The following DHRS12 variants were observed in gnomAD, a reference collection of about 807,000 sequenced individuals.
DHRS12 encodes dehydrogenase/reductase SDR family member 12.
A neutral mutation model predicts 32.1 loss-of-function variants in DHRS12; 29 were observed. The ratio of observed to expected loss-of-function variants is 0.90; its 90% CI spans 0.67 to 1.23. The LOEUF is 1.23. Ranked by LOEUF, DHRS12 falls within the 50% of genes most tolerant of loss-of-function variation. DHRS12 has a pLI of 0.00. For missense variants in DHRS12, 330 were observed against 337.2 expected (o/e 0.98, Z 0.17); for synonymous variants, 150 against 135.9 (o/e 1.10, Z -0.72).
intron 4 of DHRS12, among the ~76,000 whole-genome samples, chr13:51,784,959 G>A (rs1322085738): frequency 6.6e-6 from 1 of 152,242 alleles, no homozygotes; most frequent in Non-Finnish European, 1.5e-5. Context: ...CAGGCGCAGT[G>A]GCTCATGCCT....
intron 7 of DHRS12, 103 bp from the exon 8 acceptor site, chr13:51,769,396 AT>A: frequency 1.0e-6 from 1 of 957,748 alleles, no homozygotes; most frequent in Non-Finnish European, 1.5e-6. Flanking sequence ...ATGAAATGGG[AT>A]CATAAACTGC....
Position 51,769,261 on chromosome 13 carries a change from T to C in DHRS12, c.592A>G (p.Arg198Gly), listed in dbSNP as rs775395149. 8.8e-6 allele frequency: 14 copies of C among 1,587,804 alleles called. No individual in the cohort carries two copies. In the South Asian group the frequency reaches 1.1e-4, roughly 13 times the overall value. Residue 198 changes from arginine (R) to glycine (G), a missense_variant, in exon 8 of 9, where the codon AGG becomes GGG. Transcript: ENST00000444610. ...TCGGAGCGCAGGCGGTCCCCGAACC[T>C]GGCGTGGAACCCCGGCATCGCCTGC... ...VRQAMPGFHARFGDRLRSEAQ... is the reference protein window; with the variant it reads ...VRQAMPGFHAGFGDRLRSEAQ...
downstream of DHRS12, chr13:51,766,409 C>T (rs1031966249): frequency 1.3e-5 from 2 of 152,188 alleles, no homozygotes; most frequent in African/African-American, 4.8e-5. Flanking sequence ...GGGCATATTA[C>T]CGTATGGATA....
In DHRS12 at chr13:51,768,265, G is replaced by T. The variant is rs760335292; in HGVS notation, c.729C>A (p.Leu243=). The T allele has an allele frequency of 3.3e-6, 5 of 1,535,976 alleles. No homozygotes were observed. The Admixed American group carries it at 5.9e-5, about 18-fold the overall frequency. ...DRKPVSTHLP[L]ATASSSPAEE... ...CGGCCGGTGAGGAGGACGCTGTAGC[G>T]AGAGGCAAGTGTGTAGAAACTGGCT... Residue 243 remains leucine, a synonymous_variant, in exon 9 of 9, where the codon CTC becomes CTA. Coordinates refer to ENST00000444610, the MANE Select transcript of DHRS12 (RefSeq NM_001377533.1).
At chr13:51,790,664 C>T (rs1222808198) in intron 3 of DHRS12, among the ~76,000 whole-genome samples, 1 of 152,176 alleles carries the variant, frequency 6.6e-6, no homozygotes, top group East Asian at 1.9e-4. Context: ...CGTTTCAGAG[C>T]ACATCAGAAA....
At position 51,774,020 on chromosome 13, in the gene DHRS12, T is replaced by C; in HGVS notation, c.378A>G (p.Ser126=). The C allele has an allele frequency of 1.2e-6, 2 of 1,613,892 alleles. No homozygotes were observed. Among genetic ancestry groups the C allele is most frequent in the African/African-American group, 2.7e-5 (2 of 75,008 alleles). The part of the protein sequence containing the change: ...EHDPRVITVS[S]GGMLVQKLNT... Reference sequence around the variant, plus strand: ...TCAGTTTCTGAACCAACATTCCTCCTGAGGAGACGGTTATCTGCAATAAAG... The same window carrying C: ...TCAGTTTCTGAACCAACATTCCTCCCGAGGAGACGGTTATCTGCAATAAAG... The change falls in exon 6 of 9, where the codon TCA becomes TCG. Residue 126 remains serine (S), a synonymous_variant. Transcript: ENST00000444610.
chr13:51,769,343 G>A, intron 7 of DHRS12, 50 bp from the exon 8 acceptor site: 1 of 1,311,756 alleles, frequency 7.6e-7, no homozygotes. Context: ...TCCAGCAAAT[G>A]TGGTTGACTT....
chr13:51,791,129 A>G, intron 3 of DHRS12, 36 bp downstream of exon 3: 2 of 1,425,642 alleles, frequency 1.4e-6, no homozygotes, highest in Non-Finnish European at 1.9e-6. Flanking sequence ...ATGGGCCAAC[A>G]TGAATTTATT....
Position 51,782,342 on chromosome 13 carries a change from A to C in DHRS12, c.302-5221T>G, listed in dbSNP as rs1200450654. 6.6e-6 allele frequency among the ~76,000 whole-genome samples: 1 copy of C among 152,176 alleles called. No homozygotes were observed. The highest frequency in any genetic ancestry group is 1.9e-4 in the East Asian group (1 of 5,190). ...TGGTCTGGGAGGGATGCCAACATTTAAAGTCCCCGCAGACACGCTGCAGCT... is the reference window on the plus strand; with the variant it reads ...TGGTCTGGGAGGGATGCCAACATTTCAAGTCCCCGCAGACACGCTGCAGCT... On this transcript the variant is annotated intron_variant, in intron 4 of 8. Coordinates refer to ENST00000444610, the MANE Select transcript of DHRS12 (RefSeq NM_001377533.1). This position sits in a 1 kb window ranked among gnomAD's most constrained non-coding sequence, Gnocchi z 4.2.
intron 1 of DHRS12, 80 bp from the exon 2 acceptor site, chr13:51,799,747 G>A: frequency 6.5e-7 from 1 of 1,534,616 alleles, no homozygotes. Flanking sequence ...CCTAATTCTA[G>A]GATGGGCATT....
intron 4 of DHRS12, 66 bp downstream of exon 4, chr13:51,789,945 T>TA (rs1344423172): frequency 1.3e-6 from 2 of 1,483,840 alleles, no homozygotes; most frequent in African/African-American, 1.5e-5. Flanking sequence ...AATTTTTTTT[T>TA]ACCCTTCTAT....
chr13:51,793,445 C>T (rs1299468466), intron 2 of DHRS12, among the ~76,000 whole-genome samples: 4 of 152,156 alleles, frequency 2.6e-5, no homozygotes, highest in Non-Finnish European at 5.9e-5. Flanking sequence ...AAGCTGTAGT[C>T]GAATTTATTT....
chr13:51,787,597 T>C (rs1955015218), intron 4 of DHRS12, among the ~76,000 whole-genome samples: 1 of 150,166 alleles, frequency 6.7e-6, no homozygotes, highest in South Asian at 2.1e-4. Context: ...AGTGAAACAA[T>C]CTCTCTCAAC....
chr13:51,799,458 G>A, intron 2 of DHRS12, 76 bp downstream of exon 2: 4 of 1,575,566 alleles, frequency 2.5e-6, no homozygotes, highest in Non-Finnish European at 3.5e-6. Context: ...CTGTGACACA[G>A]GGTGCCCTCC....
rs1356652862 is a variant in DHRS12, at chr13:51,791,272, A to C, written c.127-15T>G. The stretch of plus-strand genomic sequence containing the variant: ...AGAAAAATGTTCTAAATTAGAAAGC[A>C]AAAAAAAAAAAAACCCTTTTTAAAA... On this transcript the variant is annotated splice_polypyrimidine_tract_variant and intron_variant, in intron 2 of 8. Coordinates refer to ENST00000444610, the MANE Select transcript of DHRS12 (RefSeq NM_001377533.1). 38 of 283,104 alleles carry C rather than the reference A, an allele frequency of 1.3e-4. No individual in the cohort carries two copies. The highest frequency in any genetic ancestry group is 7.4e-4 in the East Asian group (3 of 4,038). 17.5% of individuals were successfully genotyped at this position (283,104 alleles called of 1,614,324 possible). A position where few individuals can be genotyped will look rare whatever the true frequency, so the allele number is the denominator to read the frequency against.
At chr13:51,793,696 T>C (rs1349158955) in intron 2 of DHRS12, among the ~76,000 whole-genome samples, 1 of 152,192 alleles carries the variant, frequency 6.6e-6, no homozygotes, top group African/African-American at 2.4e-5. Context: ...CTGAGTCATA[T>C]CTGAGTCAGC....
intron 2 of DHRS12, among the ~76,000 whole-genome samples, chr13:51,798,595 T>A (rs1955612166): frequency 6.6e-6 from 1 of 152,150 alleles, no homozygotes; most frequent in East Asian, 1.9e-4. Context: ...TCTTCTCTCC[T>A]CCTCTCCGCA....
At chr13:51,756,270 ATGCGGGGGCCTCAGGAGC>A in the DHRS12 span, 1 of 1,558,966 alleles carries the variant, frequency 6.4e-7, no homozygotes. Context: ...GAGGGGTGAG[ATGCGGGGGCCTCAGGAGC>A]TGAGGGAGCC....
At chr13:51,766,073 T>G (rs1048779069), downstream of DHRS12, 3 of 152,258 alleles carry the variant, frequency 2.0e-5, no homozygotes, top group Admixed American at 1.3e-4. Flanking sequence ...TTTATCATTT[T>G]AGTGGATGGC....
Sources: allele counts gnomAD v4.1 joint callset (sites outside exome capture counted in the v4.1 genomes callset), GRCh38; gene constraint gnomAD v4.1.1; non-coding constraint Gnocchi (gnomAD v3.1); transcripts MANE v1.5; gene names NCBI Gene and HGNC (gene_info 2026-07-23, HGNC 2026-07-21).